Variants in SLC38A2 observed in about 807,000 individuals in gnomAD.
SLC38A2 encodes sodium-coupled neutral amino acid symporter 2.
SLC38A2 carries 11 observed loss-of-function variants against 61.5 expected under a neutral mutation model. That is an observed-to-expected ratio of 0.18 (90% confidence interval 0.11 to 0.30). The LOEUF is 0.30. Ranked by LOEUF, SLC38A2 falls within the 10% of genes least tolerant of loss-of-function variation. SLC38A2 has a pLI of 1.00. For missense variants in SLC38A2, 522 were observed against 600.4 expected (o/e 0.87, Z 1.36); for synonymous variants, 217 against 212.5 (o/e 1.02, Z -0.18).
chr12:46,367,931 G>A (rs1480843354), intron 4 of SLC38A2, among the ~76,000 whole-genome samples: 1 of 151,998 alleles, frequency 6.6e-6, no homozygotes, highest in Admixed American at 6.6e-5. Context: ...CCAGGAGTTC[G>A]AGATCAGCTT....
In SLC38A2 at chr12:46,371,352, C is replaced by CT. The variant is rs1165395039; in HGVS notation, c.-60_-59insA. ...AGCGCTGGGCTCCTTTTGTCCTTGGCGGTGGGTGCAGCGGCCCGCGAGTCG... is the reference window on the plus strand; with the variant it reads ...AGCGCTGGGCTCCTTTTGTCCTTGGCTGGTGGGTGCAGCGGCCCGCGAGTCG... On this transcript the variant is annotated 5_prime_UTR_variant, in exon 2 of 16. Transcript: ENST00000256689. 7.1e-6 allele frequency: 10 copies of CT among 1,417,856 alleles called. No homozygotes were observed. The highest frequency in any genetic ancestry group is 1.0e-5 in the Non-Finnish European group (10 of 1,004,418). 87.8% of individuals were successfully genotyped at this position (1,417,856 alleles called of 1,614,324 possible).
At chr12:46,363,250 G>A in intron 12 of SLC38A2, 105 bp from the exon 13 acceptor site, 3 of 1,250,476 alleles carry the variant, frequency 2.4e-6, no homozygotes, top group Admixed American at 4.3e-5. Flanking sequence ...CTCACAAAAC[G>A]ACTATAAACT....
At chr12:46,367,051 A>G in intron 6 of SLC38A2, 25 bp downstream of exon 6, 1 of 1,611,462 alleles carries the variant, frequency 6.2e-7, no homozygotes, top group Non-Finnish European at 8.5e-7. Flanking sequence ...AAGTCTACCC[A>G]AATAATCTTT....
intron 4 of SLC38A2, among the ~76,000 whole-genome samples, chr12:46,369,149 C>T (rs1325873902): frequency 6.6e-6 from 1 of 152,198 alleles, no homozygotes; most frequent in Admixed American, 6.5e-5. Context: ...CATTTCAATT[C>T]TTACTTTAAC....
chr12:46,371,489 A>T (rs1943199863), intron 1 of SLC38A2, 110 bp from the exon 2 acceptor site: 1 of 550,606 alleles, frequency 1.8e-6, no homozygotes, highest in Non-Finnish European at 3.2e-6. Context: ...GGCGAGTGGA[A>T]AAGTACCAGC....
intron 4 of SLC38A2, among the ~76,000 whole-genome samples, chr12:46,369,777 C>T (rs1481301736): frequency 6.6e-6 from 1 of 152,112 alleles, no homozygotes; most frequent in Non-Finnish European, 1.5e-5. Context: ...TGGCTAAGAA[C>T]CACTGCTCTG....
rs868068387 is a variant in SLC38A2, at chr12:46,361,381, C to T, written c.1423-172G>A. Among the ~76,000 whole-genome samples, 7 of 152,176 alleles carry T rather than the reference C, an allele frequency of 4.6e-5. No individual in the cohort carries two copies. In the South Asian group the frequency reaches 6.2e-4, roughly 13 times the overall value. ...TCCTAAGTGATCAGTATGTTATCTG[C>T]AGTACACAATAACTACCTTTGAGGC... On this transcript the variant is annotated intron_variant, in intron 15 of 15. Transcript: ENST00000256689.
intron 1 of SLC38A2, chr12:46,371,581 G>A (rs1014403259): frequency 1.3e-5 from 5 of 385,300 alleles, no homozygotes; most frequent in Non-Finnish European, 2.3e-5. Flanking sequence ...TGATGCCACC[G>A]CTGTGTTGCG....
chr12:46,370,694 A>T lies in SLC38A2; in HGVS notation c.199-67T>A, dbSNP rs189749344. On this transcript the variant is annotated intron_variant, in intron 3 of 15. Coordinates refer to ENST00000256689, the MANE Select transcript of SLC38A2 (RefSeq NM_018976.5). ...TAAATGGAGAAAACCAGCTTTGGGCAAGTTAGATTTGAATTCTAAAAGTAA... is the reference window on the plus strand; with the variant it reads ...TAAATGGAGAAAACCAGCTTTGGGCTAGTTAGATTTGAATTCTAAAAGTAA... 2,005 of 1,546,700 alleles carry T rather than the reference A, an allele frequency of 1.3e-3. 4 individuals are homozygous for T. The highest frequency in any genetic ancestry group is 1.6e-3 in the Non-Finnish European group (1,791 of 1,121,992).
rs1262512679 is a variant in SLC38A2 at position 46,364,007 on chromosome 12, A to G, written c.874-4T>C. ...GAATTGGCACAGCATAGACAGTCTGAAAGAAAACGTAAAAATCTACTTAAT... is the reference window on the plus strand; with the variant it reads ...GAATTGGCACAGCATAGACAGTCTGGAAGAAAACGTAAAAATCTACTTAAT... On this transcript the variant is annotated splice_polypyrimidine_tract_variant and splice_region_variant and intron_variant, in intron 10 of 15. Coordinates refer to ENST00000256689, the MANE Select transcript of SLC38A2 (RefSeq NM_018976.5). The G allele has an allele frequency of 6.2e-7, 1 of 1,601,414 alleles. No individual in the cohort carries two copies. Among genetic ancestry groups the G allele is most frequent in the Non-Finnish European group, 8.5e-7 (1 of 1,175,466 alleles).
Position 46,360,322 on chromosome 12 carries a change from T to C in SLC38A2, c.*789A>G, listed in dbSNP as rs1033020625. The C allele has an allele frequency of 2.0e-5, 3 of 152,426 alleles. No individual in the cohort carries two copies. Among genetic ancestry groups the C allele is most frequent in the Non-Finnish European group, 4.4e-5 (3 of 68,002 alleles). The allele number at this position is 152,426 out of a possible 1,614,324, so 9.4% of individuals were successfully genotyped here. On this transcript the variant is annotated 3_prime_UTR_variant, in exon 16 of 16. Transcript: ENST00000256689. ...AACATTTCAGTCTGAATGAACCAAA[T>C]TGTTTGGGGACAGAGAAGAAAAGTG...
chr12:46,359,105 A>T lies in SLC38A2; in HGVS notation c.*2006T>A, dbSNP rs965800908. 2.7e-5 allele frequency: 4 copies of T among 145,752 alleles called. No individual in the cohort carries two copies. The highest frequency in any genetic ancestry group is 1.0e-4 in the African/African-American group (4 of 38,846). The allele number at this position is 145,752 out of a possible 1,614,324, so 9.0% of individuals were successfully genotyped here. Reference sequence around the variant, plus strand: ...TCTCCCATACAAAAAAAAAAAAAAAAGTCTGTAGAAACAACTCTTGGTATT... The same window carrying T: ...TCTCCCATACAAAAAAAAAAAAAAATGTCTGTAGAAACAACTCTTGGTATT... On this transcript the variant is annotated 3_prime_UTR_variant, in exon 16 of 16. Coordinates refer to ENST00000256689, the MANE Select transcript of SLC38A2 (RefSeq NM_018976.5).
In SLC38A2 at chr12:46,371,220, T is replaced by G; in HGVS notation, c.74A>C (p.Asp25Ala). 6.2e-7 allele frequency: 1 copy of G among 1,614,246 alleles called. No homozygotes were observed. Among genetic ancestry groups the G allele is most frequent in the Non-Finnish European group, 8.5e-7 (1 of 1,180,044 alleles). Residue 25 changes from aspartate to alanine, a missense_variant, in exon 2 of 16, where the codon GAC (aspartate) becomes GCC (alanine). Coordinates refer to ENST00000256689, the MANE Select transcript of SLC38A2 (RefSeq NM_018976.5). ...CTTGGTGGGGTAGGAGTAGTTGAAG[T>G]CGCTGTTGGAACTGTAGCTGCTGCT... is the stretch of plus-strand genomic sequence containing the variant. ...EDSSSYSSNS[D>A]FNYSYPTKQA...
chr12:46,363,544 CTGAT>C (rs1160354394), intron 12 of SLC38A2, among the ~76,000 whole-genome samples, 178 bp downstream of exon 12: 19 of 152,106 alleles, frequency 1.2e-4, no homozygotes, highest in African/African-American at 4.1e-4. Flanking sequence ...CTAGAAATTA[CTGAT>C]TAAATACACT....
At chr12:46,370,346 G>T (rs899791410) in intron 4 of SLC38A2, among the ~76,000 whole-genome samples, 166 bp downstream of exon 4, 12 of 152,152 alleles carry the variant, frequency 7.9e-5, no homozygotes, top group African/African-American at 2.9e-4. Flanking sequence ...ATATTGTGCA[G>T]TATGTAGTAG....
At chr12:46,362,683 A>G (rs1943094909) in intron 13 of SLC38A2, 45 bp from the exon 14 acceptor site, 1 of 1,532,518 alleles carries the variant, frequency 6.5e-7, no homozygotes, top group African/African-American at 1.4e-5. Context: ...TAGCAGCAAT[A>G]TAAAATTTAA....
intron 1 of SLC38A2, 159 bp downstream of exon 1, chr12:46,372,350 G>A (rs1943214325): frequency 4.5e-6 from 1 of 222,136 alleles, no homozygotes; most frequent in Non-Finnish European, 8.8e-6. Context: ...CCCGCGCGGC[G>A]GGCCAGGGTG....
intron 4 of SLC38A2, among the ~76,000 whole-genome samples, chr12:46,369,987 A>G (rs3742061): frequency 0.073 from 11,114 of 152,258 alleles, 1,120 homozygotes; most frequent in East Asian, 0.24. Context: ...ATTGCTTTTC[A>G]GGGTCCAGAA....
chr12:46,362,496 A>G lies in SLC38A2; in HGVS notation c.1322T>C (p.Ile441Thr), dbSNP rs1943092114. Residue 441 changes from isoleucine to threonine, a missense_variant and splice_region_variant, in exon 14 of 16, where the codon ATT becomes ACT. Transcript: ENST00000256689. The stretch of plus-strand genomic sequence containing the variant: ...CTTGGATACTTTCTAAAACTTACCA[A>G]TAAAACCAAAGATATCCCTAATAGT... ...VPTIRDIFGF[I>T]GASAASMLIF... 3 of 1,591,876 alleles carry G rather than the reference A, an allele frequency of 1.9e-6. No individual in the cohort carries two copies. The highest frequency in any genetic ancestry group is 2.2e-5 in the East Asian group (1 of 44,740).
Sources: allele counts gnomAD v4.1 joint callset (sites outside exome capture counted in the v4.1 genomes callset), GRCh38; gene constraint gnomAD v4.1.1; transcripts MANE v1.5; gene names NCBI Gene and HGNC (gene_info 2026-07-23, HGNC 2026-07-21).